ATF6: variants seen among roughly 807,000 people sequenced by gnomAD.
ATF6 encodes activating transcription factor 6.
Under a neutral mutation model 83.6 loss-of-function variants are expected in ATF6, and 53 were observed. That is an observed-to-expected ratio of 0.63 (90% CI 0.51 to 0.80). The LOEUF (loss-of-function observed/expected upper bound fraction) is 0.80. ATF6 is among the 30% of genes least tolerant of loss of function. The pLI, the probability that ATF6 is intolerant of heterozygous loss-of-function variation, is 0.00. For missense variants in ATF6, 744 were observed against 797.9 expected (o/e 0.93, Z 0.81); for synonymous variants, 288 against 285.8 (o/e 1.01, Z -0.08).
intron 14 of ATF6, among the ~76,000 whole-genome samples, chr1:161,907,324 T>C (rs1486349470): frequency 6.6e-6 from 1 of 152,226 alleles, no homozygotes; most frequent in African/African-American, 2.4e-5. Flanking sequence ...AATACAAAGC[T>C]GTTTTTGAAA....
chr1:161,956,915 CCT>C (rs1375982923), intron 15 of ATF6, among the ~76,000 whole-genome samples: 1 of 151,946 alleles, frequency 6.6e-6, no homozygotes, highest in Non-Finnish European at 1.5e-5. Flanking sequence ...TCTGATGGCC[CCT>C]CTCTCCAAAA....
intron 2 of ATF6, 76 bp downstream of exon 2, chr1:161,778,396 C>A: frequency 1.7e-6 from 2 of 1,151,780 alleles, no homozygotes; most frequent in Non-Finnish European, 1.3e-6. Flanking sequence ...TTCAGGACAA[C>A]AGGTTCAGGC....
chr1:161,848,714 T>G (rs1686539964), intron 10 of ATF6, among the ~76,000 whole-genome samples: 1 of 152,166 alleles, frequency 6.6e-6, no homozygotes, highest in Non-Finnish European at 1.5e-5. Context: ...CCAAGAATTC[T>G]CATTAACTCT....
intron 15 of ATF6, among the ~76,000 whole-genome samples, chr1:161,937,895 A>AG (rs978041435): frequency 6.6e-6 from 1 of 151,658 alleles, no homozygotes; most frequent in Middle Eastern, 3.4e-3. Flanking sequence ...ATAATAAAAA[A>AG]AAAAATCACG....
At chr1:161,782,134 C>G in intron 3 of ATF6, 135 bp downstream of exon 3, 2 of 592,362 alleles carry the variant, frequency 3.4e-6, no homozygotes, top group Non-Finnish European at 5.8e-6. Flanking sequence ...CATTCTACTT[C>G]TGGTATGGCA....
chr1:161,834,438 A>G (rs1686158475), intron 9 of ATF6, among the ~76,000 whole-genome samples: 2 of 152,260 alleles, frequency 1.3e-5, no homozygotes, highest in Non-Finnish European at 2.9e-5. Flanking sequence ...ATGGAATACT[A>G]TGCAGCCATA....
chr1:161,826,020 G>C (rs1360883095), intron 9 of ATF6, among the ~76,000 whole-genome samples: 1 of 152,216 alleles, frequency 6.6e-6, no homozygotes, highest in Non-Finnish European at 1.5e-5. Context: ...GGTTTTAGGA[G>C]CTCTGTGACA....
intron 14 of ATF6, among the ~76,000 whole-genome samples, chr1:161,868,937 A>G (rs959070427): frequency 7.2e-5 from 11 of 152,092 alleles, no homozygotes; most frequent in African/African-American, 2.7e-4. Flanking sequence ...ATTTGTTGGC[A>G]GCATTTTGGA....
intron 15 of ATF6, among the ~76,000 whole-genome samples, chr1:161,916,396 A>C (rs953606228): frequency 6.6e-6 from 1 of 152,134 alleles, no homozygotes; most frequent in Admixed American, 6.6e-5. Context: ...ATCTATGTAC[A>C]CTCACCAGAT....
chr1:161,904,456 C>T (rs985595455), intron 14 of ATF6, among the ~76,000 whole-genome samples: 1 of 151,922 alleles, frequency 6.6e-6, no homozygotes, highest in East Asian at 1.9e-4. Context: ...GGCATGGTGG[C>T]GGGTGCATGT....
At chr1:161,846,359 G>T in intron 9 of ATF6, 90 bp from the exon 10 acceptor site, 1 of 1,393,926 alleles carries the variant, frequency 7.2e-7, no homozygotes, top group Non-Finnish European at 9.6e-7. Context: ...GATCTGCAAA[G>T]GAATTGTGGT....
chr1:161,844,271 T>C (rs1217254488), intron 9 of ATF6, among the ~76,000 whole-genome samples: 2 of 152,166 alleles, frequency 1.3e-5, no homozygotes, highest in Non-Finnish European at 2.9e-5. Flanking sequence ...CTTCAGACTA[T>C]GCTGTAAAGA....
At chr1:161,910,872 G>A (rs377341843) in intron 14 of ATF6, among the ~76,000 whole-genome samples, 4 of 152,112 alleles carry the variant, frequency 2.6e-5, no homozygotes, top group East Asian at 1.9e-4. Flanking sequence ...AATTCTAACA[G>A]AATTTACTCA....
At chr1:161,795,672 T>C (rs561649935) in intron 6 of ATF6, among the ~76,000 whole-genome samples, 28 of 152,356 alleles carry the variant, frequency 1.8e-4, no homozygotes, top group African/African-American at 5.5e-4. Context: ...TTGCATGTAA[T>C]GCCAGAGAGG....
chr1:161,810,271 A>G (rs573507365), intron 7 of ATF6, among the ~76,000 whole-genome samples: 11 of 152,340 alleles, frequency 7.2e-5, no homozygotes, highest in South Asian at 6.2e-4. Context: ...GAAACTTACA[A>G]TCATGACTGT....
At chr1:161,821,252 G>T (rs1685753982) in intron 9 of ATF6, 91 bp downstream of exon 9, 6 of 895,164 alleles carry the variant, frequency 6.7e-6, no homozygotes, top group Non-Finnish European at 1.0e-5. Flanking sequence ...GAGAAAAAAT[G>T]ATTTGTTTTT....
At chr1:161,783,893 G>T in intron 3 of ATF6, 97 bp from the exon 4 acceptor site, 1 of 856,988 alleles carries the variant, frequency 1.2e-6, no homozygotes, top group Non-Finnish European at 1.8e-6. Flanking sequence ...TTCCATATCT[G>T]ATTGAATTTT....
chr1:161,767,682 C>T (rs1335552110), intron 1 of ATF6, among the ~76,000 whole-genome samples: 1 of 152,194 alleles, frequency 6.6e-6, no homozygotes, highest in Non-Finnish European at 1.5e-5. Context: ...CCAGGTTTTT[C>T]TACCTCCAAA....
chr1:161,830,639 T>C (rs1686031685), intron 9 of ATF6, among the ~76,000 whole-genome samples: 1 of 152,108 alleles, frequency 6.6e-6, no homozygotes, highest in African/African-American at 2.4e-5. Flanking sequence ...TCAGAAATAA[T>C]ACCACACGTC....
Sources: gnomAD v4.1 joint callset for allele counts (sites outside exome capture counted in the v4.1 genomes callset) on GRCh38, gnomAD v4.1.1 for gene constraint, MANE v1.5 for transcripts, NCBI Gene and HGNC (gene_info 2026-07-23, HGNC 2026-07-21) for gene names.